Variants in CRPPA observed in about 807,000 individuals in gnomAD.
The protein encoded by CRPPA is D-ribitol-5-phosphate cytidylyltransferase.
A neutral mutation model predicts 52.0 loss-of-function variants in CRPPA; 43 were observed. That is an observed-to-expected ratio of 0.83 (90% CI 0.65 to 1.07). The LOEUF (loss-of-function observed/expected upper bound fraction) is 1.07. Among genes scored for constraint, CRPPA ranks in the 50% least tolerant of loss-of-function variants. CRPPA has a pLI of 0.00. For missense variants in CRPPA, 629 were observed against 551.7 expected (o/e 1.14, Z -1.40); for synonymous variants, 250 against 203.5 (o/e 1.23, Z -1.94).
At chr7:16,286,073 ATAT>A (rs1784435923) in intron 5 of CRPPA, among the ~76,000 whole-genome samples, 1 of 33,866 alleles carries the variant, frequency 3.0e-5, no homozygotes, top group African/African-American at 1.3e-4. Flanking sequence ...ATATATATAT[ATAT>A]ATATAATATT....
rs549208076 is a variant in CRPPA at position 16,329,495 on chromosome 7, GC to G, written c.685-20869del. Among the ~76,000 whole-genome samples the G allele has an allele frequency of 1.1e-4, 16 of 152,180 alleles. No homozygotes were observed. In the East Asian group the frequency reaches 2.9e-3, roughly 28 times the overall value. On this transcript the variant is annotated intron_variant, in intron 3 of 9. Coordinates refer to ENST00000407010, the MANE Select transcript of CRPPA (RefSeq NM_001101426.4). Reference sequence around the variant, plus strand: ...AAACTGGCTTTCAGAATACAATCAGGCCTTTGATTATCCAAAGAGTGTGCAC... The same window carrying G: ...AAACTGGCTTTCAGAATACAATCAGGCTTTGATTATCCAAAGAGTGTGCAC...
intron 8 of CRPPA, among the ~76,000 whole-genome samples, chr7:16,224,451 A>G (rs1782598393): frequency 6.6e-6 from 1 of 152,130 alleles, no homozygotes; most frequent in Non-Finnish European, 1.5e-5. Flanking sequence ...ATGAGGGGAA[A>G]TAGTCTCTGT....
intron 3 of CRPPA, among the ~76,000 whole-genome samples, chr7:16,331,234 C>T (rs553414194): frequency 4.6e-5 from 7 of 152,188 alleles, no homozygotes; most frequent in Admixed American, 2.0e-4. Context: ...CTCCTGACCT[C>T]GTGATCCGCC....
At chr7:16,254,530 T>C (rs1021291298) in intron 8 of CRPPA, among the ~76,000 whole-genome samples, 5 of 151,852 alleles carry the variant, frequency 3.3e-5, no homozygotes, top group African/African-American at 4.8e-5. Flanking sequence ...TAGGTGGGAA[T>C]TGAACAATGA....
intron 9 of CRPPA, among the ~76,000 whole-genome samples, chr7:16,151,323 A>T (rs1280516238): frequency 6.6e-6 from 1 of 152,174 alleles, no homozygotes; most frequent in Non-Finnish European, 1.5e-5. Flanking sequence ...AATTTAGCAA[A>T]ATCTATTTCT....
chr7:16,382,556 A>G (rs1045344812), intron 2 of CRPPA, among the ~76,000 whole-genome samples: 5 of 151,960 alleles, frequency 3.3e-5, no homozygotes, highest in Admixed American at 2.0e-4. Flanking sequence ...TAGATTGGGG[A>G]AGTTCTCCTG....
At chr7:16,173,159 A>C (rs1781226414) in intron 9 of CRPPA, among the ~76,000 whole-genome samples, 1 of 152,202 alleles carries the variant, frequency 6.6e-6, no homozygotes, top group South Asian at 2.1e-4. Flanking sequence ...AGACCAATTC[A>C]ATGAAAAATT....
At chr7:16,249,979 C>T (rs1265850397) in intron 8 of CRPPA, among the ~76,000 whole-genome samples, 6 of 152,090 alleles carry the variant, frequency 3.9e-5, no homozygotes, top group Non-Finnish European at 5.9e-5. Context: ...AGCTAAGAAC[C>T]TTTAAAAAAG....
Position 16,088,410 on chromosome 7 carries a change from CTCTTTTTTTTT to C in CRPPA, c.*3274_*3284del, listed in dbSNP as rs1781740963. 9.2e-6 allele frequency: 1 copy of C among 108,846 alleles called. No individual in the cohort carries two copies. The allele number at this position is 108,846 out of a possible 1,614,324, so 6.7% of individuals were successfully genotyped here. A position where few individuals can be genotyped will look rare whatever the true frequency, so the allele number is the denominator to read the frequency against. The stretch of plus-strand genomic sequence containing the variant: ...TAACTGTAAAGTTACCTCTGGATCT[CTCTTTTTTTTT>C]TTTTTTTTTTTTTTGAGACGGAGTC... On this transcript the variant is annotated 3_prime_UTR_variant, in exon 10 of 10. Coordinates refer to ENST00000407010, the MANE Select transcript of CRPPA (RefSeq NM_001101426.4).
At chr7:16,226,829 C>T (rs1782664325) in intron 8 of CRPPA, among the ~76,000 whole-genome samples, 1 of 151,872 alleles carries the variant, frequency 6.6e-6, no homozygotes. Flanking sequence ...TTTATATCCT[C>T]TCAGAGTTTT....
chr7:16,312,095 G>C (rs767016359), intron 3 of CRPPA, among the ~76,000 whole-genome samples: 17 of 152,090 alleles, frequency 1.1e-4, no homozygotes, highest in Admixed American at 9.2e-4. Flanking sequence ...TATTGTGTTA[G>C]CTATTCTAGG....
chr7:16,148,715 T>C (rs572991308), intron 9 of CRPPA, among the ~76,000 whole-genome samples: 4 of 152,178 alleles, frequency 2.6e-5, no homozygotes, highest in South Asian at 4.2e-4. Flanking sequence ...AGTTCTATAG[T>C]AGGGTAAATA....
intron 4 of CRPPA, among the ~76,000 whole-genome samples, chr7:16,302,033 C>T (rs1784798031): frequency 6.6e-6 from 1 of 152,058 alleles, no homozygotes; most frequent in Non-Finnish European, 1.5e-5. Context: ...GATGATCTTT[C>T]CTTAAAAATA....
chr7:16,246,199 C>A (rs535933372), intron 8 of CRPPA, among the ~76,000 whole-genome samples: 1 of 152,156 alleles, frequency 6.6e-6, no homozygotes, highest in Non-Finnish European at 1.5e-5. Context: ...GTCATTCCAA[C>A]AACGTTCACA....
At chr7:16,374,061 AG>A (rs1180642334) in intron 3 of CRPPA, among the ~76,000 whole-genome samples, 1 of 152,114 alleles carries the variant, frequency 6.6e-6, no homozygotes, top group African/African-American at 2.4e-5. Flanking sequence ...ATTAGATTAA[AG>A]GATGCCTAAA....
chr7:16,201,964 G>A (rs1781870825), intron 9 of CRPPA, among the ~76,000 whole-genome samples: 1 of 152,058 alleles, frequency 6.6e-6, no homozygotes. Context: ...CAATTTAAAG[G>A]TAATGTTCCT....
intron 2 of CRPPA, among the ~76,000 whole-genome samples, chr7:16,404,988 G>A (rs1050070461): frequency 9.9e-5 from 15 of 152,070 alleles, no homozygotes; most frequent in African/African-American, 3.1e-4. Flanking sequence ...TAAATTTAAA[G>A]TGAAATTCAT....
chr7:16,368,542 A>G (rs142480978), intron 3 of CRPPA, among the ~76,000 whole-genome samples: 186 of 152,342 alleles, frequency 1.2e-3, no homozygotes, highest in African/African-American at 4.1e-3. Context: ...GGTTTTCACA[A>G]GTGCCATCAA....
chr7:16,135,679 C>G (rs1251766438), intron 9 of CRPPA, among the ~76,000 whole-genome samples: 1 of 152,082 alleles, frequency 6.6e-6, no homozygotes, highest in African/African-American at 2.4e-5. Flanking sequence ...GAAATCAGAG[C>G]CACCTTATGC....
Sources: gnomAD v4.1 joint callset for allele counts (sites outside exome capture counted in the v4.1 genomes callset) on GRCh38, gnomAD v4.1.1 for gene constraint, MANE v1.5 for transcripts, NCBI Gene and HGNC (gene_info 2026-07-23, HGNC 2026-07-21) for gene names.